Variants in ENOX1 observed in about 807,000 individuals in gnomAD.
The protein encoded by ENOX1 is candidate growth-related and time keeping constitutive hydroquinone (NADH) oxidase.
In ENOX1, 42 loss-of-function variants were observed where a neutral mutation model predicts 82.5. The observed-to-expected ratio is 0.51, with a 90% CI of 0.40 to 0.66. The LOEUF (loss-of-function observed/expected upper bound fraction) is 0.66, where lower values mean the gene tolerates loss of function less well. Among genes scored for constraint, ENOX1 ranks in the 30% least tolerant of loss-of-function variants. The pLI is 0.00. For synonymous variants in ENOX1, 271 were observed against 282.2 expected, an observed-to-expected ratio of 0.96 and a Z score of 0.40; for missense variants, 608 against 811.6, an observed-to-expected ratio of 0.75 and a Z score of 3.05.
chr13:43,663,658 C>T (rs1169610756), intron 2 of ENOX1, among the ~76,000 whole-genome samples: 1 of 151,914 alleles, frequency 6.6e-6, no homozygotes, highest in Non-Finnish European at 1.5e-5. Context: ...GGCACACGTC[C>T]AAAGGGTACT....
chr13:43,338,321 A>C (rs534711877), intron 9 of ENOX1, among the ~76,000 whole-genome samples: 1 of 152,272 alleles, frequency 6.6e-6, no homozygotes, highest in South Asian at 2.1e-4. Flanking sequence ...TGAAGTATGC[A>C]TTTTTAAAAA....
At chr13:43,771,905 C>T (rs538279039) in intron 1 of ENOX1, among the ~76,000 whole-genome samples, 1 of 150,388 alleles carries the variant, frequency 6.6e-6, no homozygotes, top group East Asian at 2.0e-4. Context: ...GCTGGGAATA[C>T]AGGCGCGTCT....
intron 2 of ENOX1, among the ~76,000 whole-genome samples, chr13:43,606,239 G>A (rs2081970238): frequency 6.6e-6 from 1 of 152,084 alleles, no homozygotes; most frequent in South Asian, 2.1e-4. Flanking sequence ...CCACTAGGGA[G>A]AACAATTTGG....
chr13:43,710,785 A>C (rs993647233), intron 1 of ENOX1, among the ~76,000 whole-genome samples: 1 of 152,190 alleles, frequency 6.6e-6, no homozygotes, highest in Non-Finnish European at 1.5e-5. Context: ...TTCAAGATCA[A>C]CTTAACATCT....
At chr13:43,699,443 T>C in intron 1 of ENOX1, among the ~76,000 whole-genome samples, 1 of 152,194 alleles carries the variant, frequency 6.6e-6, no homozygotes, top group East Asian at 1.9e-4. Flanking sequence ...AAGTTACTCC[T>C]TTTCTGAATA....
At chr13:43,669,425 A>C (rs1359468065) in intron 1 of ENOX1, among the ~76,000 whole-genome samples, 1 of 152,030 alleles carries the variant, frequency 6.6e-6, no homozygotes, top group Non-Finnish European at 1.5e-5. Flanking sequence ...ACTACCTCCA[A>C]GTGCCCTCCT....
intron 2 of ENOX1, among the ~76,000 whole-genome samples, chr13:43,507,252 A>C (rs2077206372): frequency 6.6e-6 from 1 of 152,010 alleles, no homozygotes; most frequent in Admixed American, 6.6e-5. Flanking sequence ...ATTCCCAGTA[A>C]GAAAAGCAAA....
At chr13:43,661,043 A>G (rs895483859) in intron 2 of ENOX1, among the ~76,000 whole-genome samples, 1 of 152,218 alleles carries the variant, frequency 6.6e-6, no homozygotes, top group African/African-American at 2.4e-5. Flanking sequence ...ATACAATAAA[A>G]TGCATTTTTT....
chr13:43,644,901 A>T (rs1050586466), intron 2 of ENOX1, among the ~76,000 whole-genome samples: 1 of 152,170 alleles, frequency 6.6e-6, no homozygotes, highest in African/African-American at 2.4e-5. Flanking sequence ...AGCCTAAAAA[A>T]CATATCTGGG....
At chr13:43,247,905 A>G (rs2043219791) in intron 14 of ENOX1, among the ~76,000 whole-genome samples, 1 of 13,238 alleles carries the variant, frequency 7.6e-5, no homozygotes, top group Admixed American at 9.9e-4. Flanking sequence ...TTTTTTTTTG[A>G]GACGGAGTCT....
At chr13:43,509,088 A>C (rs1015982393) in intron 2 of ENOX1, among the ~76,000 whole-genome samples, 3 of 152,022 alleles carry the variant, frequency 2.0e-5, no homozygotes, top group Admixed American at 6.6e-5. Flanking sequence ...CTCAAATAGC[A>C]ATGTCTTCTA....
chr13:43,470,534 T>G (rs1924626), intron 3 of ENOX1, among the ~76,000 whole-genome samples: 62,647 of 148,782 alleles, frequency 0.42, 13,870 homozygotes, highest in Non-Finnish European at 0.5. Context: ...AAGACATCAC[T>G]AAGAGAATAA....
chr13:43,539,668 T>C (rs2078625431), intron 2 of ENOX1, among the ~76,000 whole-genome samples: 1 of 152,180 alleles, frequency 6.6e-6, no homozygotes, highest in South Asian at 2.1e-4. Context: ...GTATTCAATA[T>C]CTTTATGTGC....
chr13:43,326,768 C>G (rs2048139905), intron 9 of ENOX1, among the ~76,000 whole-genome samples: 1 of 152,194 alleles, frequency 6.6e-6, no homozygotes, highest in Non-Finnish European at 1.5e-5. Flanking sequence ...AGGGCAAGGG[C>G]ATCTACTTCC....
At chr13:43,456,590 T>C (rs1365814332) in intron 3 of ENOX1, among the ~76,000 whole-genome samples, 2 of 152,106 alleles carry the variant, frequency 1.3e-5, no homozygotes, top group Middle Eastern at 3.2e-3. Context: ...TCCCTAGCTG[T>C]AGGTTCCCTG....
At chr13:43,630,115 G>C (rs1594177988) in intron 2 of ENOX1, among the ~76,000 whole-genome samples, 2 of 152,256 alleles carry the variant, frequency 1.3e-5, no homozygotes, top group South Asian at 4.1e-4. Context: ...CACCATGTAT[G>C]CTTATTTTTG....
chr13:43,518,410 T>G (rs1314054593), intron 2 of ENOX1, among the ~76,000 whole-genome samples: 3 of 152,028 alleles, frequency 2.0e-5, no homozygotes, highest in African/African-American at 7.2e-5. Context: ...ATCAGTTCCA[T>G]GATAATTCAC....
chr13:43,568,139 G>A (rs1302999705), intron 2 of ENOX1, among the ~76,000 whole-genome samples: 5 of 152,126 alleles, frequency 3.3e-5, no homozygotes, highest in South Asian at 2.1e-4. Context: ...TTTGACAAGT[G>A]GCACTATTAT....
chr13:43,338,692 T>G (rs934261746), intron 9 of ENOX1, among the ~76,000 whole-genome samples: 2 of 138,846 alleles, frequency 1.4e-5, no homozygotes, highest in Non-Finnish European at 3.1e-5. Context: ...TTTTTTTTTT[T>G]TTTTTTTTTT....
Sources: gnomAD v4.1 joint callset for allele counts (sites outside exome capture counted in the v4.1 genomes callset) on GRCh38, gnomAD v4.1.1 for gene constraint, MANE v1.5 for transcripts, NCBI Gene and HGNC (gene_info 2026-07-23, HGNC 2026-07-21) for gene names.